The following RREB1 variants were observed in gnomAD, a reference collection of about 807,000 sequenced individuals.
RREB1 encodes the protein ras responsive element binding protein 1, also known as ras-responsive element-binding protein 1.
In RREB1, 27 loss-of-function variants were observed where a neutral mutation model predicts 117.8. That is an observed-to-expected ratio of 0.23 (90% CI 0.17 to 0.32). RREB1 has a LOEUF of 0.32. Ranked by LOEUF, RREB1 falls within the 10% of genes least tolerant of loss-of-function variation. The pLI is 1.00. For missense variants in RREB1, 2,577 were observed against 2,378.2 expected, an observed-to-expected ratio of 1.08 and a Z score of -1.74; for synonymous variants, 1,298 against 1,026.7, an observed-to-expected ratio of 1.26 and a Z score of -5.05.
chr6:7,160,498 T>C (rs1343923268), intron 1 of RREB1, among the ~76,000 whole-genome samples: 1 of 152,110 alleles, frequency 6.6e-6, no homozygotes, highest in Admixed American at 6.6e-5. Flanking sequence ...ATAAACATTT[T>C]CCCATGTTTT....
chr6:7,186,016 A>G (rs1029286185), intron 4 of RREB1, among the ~76,000 whole-genome samples: 2 of 152,198 alleles, frequency 1.3e-5, no homozygotes, highest in South Asian at 2.1e-4. Flanking sequence ...AGTTTAGCAC[A>G]TGGTAAGTGT....
At position 7,181,555 on chromosome 6, in the gene RREB1, A is replaced by G. The variant is rs531187697; in HGVS notation, c.-43+309A>G. ...GGGCGGCAGCTTTCTGGGCTTTGTC[A>G]TTGTTGGCTTGGCCTTTCCCACTCT... is the stretch of plus-strand genomic sequence containing the variant. On this transcript the variant is annotated intron_variant, in intron 3 of 12. Coordinates refer to ENST00000379938, the MANE Select transcript of RREB1 (RefSeq NM_001003699.4). The G allele has an allele frequency of 7.5e-6, 4 of 531,986 alleles. No individual in the cohort carries two copies. The South Asian group carries it at 1.2e-4, about 15-fold the overall frequency. 33.0% of individuals were successfully genotyped at this position (531,986 alleles called of 1,614,324 possible).
rs3734580 is a variant in RREB1 at position 7,248,692 on chromosome 6, C to T, written c.4953C>T (p.Ala1651=). ...ENESTHSGNN[A]VSENEAELAP... ...AGTCCACCCACAGCGGCAACAACGCCGTCTCAGAGAACGAGGCTGAGCTGG... is the reference window on the plus strand; with the variant it reads ...AGTCCACCCACAGCGGCAACAACGCTGTCTCAGAGAACGAGGCTGAGCTGG... The change falls in exon 13 of 13, where the codon GCC becomes GCT. Residue 1651 remains alanine (A), a synonymous_variant. Coordinates refer to ENST00000379938, the MANE Select transcript of RREB1 (RefSeq NM_001003699.4). The T allele has an allele frequency of 2.0e-3, 3,167 of 1,614,156 alleles. 118 individuals carry two copies. In the East Asian group the frequency reaches 0.056, roughly 28 times the overall value.
In RREB1 at chr6:7,152,489, G is replaced by GC. The variant is rs1357058885; in HGVS notation, c.-284-24164dup. 4.6e-5 allele frequency among the ~76,000 whole-genome samples: 7 copies of GC among 152,192 alleles called. No homozygotes were observed. In the East Asian group the frequency reaches 1.3e-3, roughly 29 times the overall value. On this transcript the variant is annotated intron_variant, in intron 1 of 12. Coordinates refer to ENST00000379938, the MANE Select transcript of RREB1 (RefSeq NM_001003699.4). Reference sequence around the variant, plus strand: ...CTATGAAACATATGAAAGAAATTCAGCCTTTAGCATTGGGGCCTTTTTATT... The same window carrying GC: ...CTATGAAACATATGAAAGAAATTCAGCCCTTTAGCATTGGGGCCTTTTTATT...
In RREB1 at chr6:7,226,341, T is replaced by A. The variant is rs1356424883; in HGVS notation, c.708-126T>A. Reference sequence around the variant, plus strand: ...AGCCTGGCTTCTTGACATCATATCATTTTTATTTTACTCAATTGAAATGAA... The same window carrying A: ...AGCCTGGCTTCTTGACATCATATCAATTTTATTTTACTCAATTGAAATGAA... On this transcript the variant is annotated intron_variant, in intron 8 of 12. Transcript: ENST00000379938. 4 of 683,364 alleles carry A rather than the reference T, an allele frequency of 5.9e-6. No homozygotes were observed. In the East Asian group the frequency reaches 1.2e-4, roughly 20 times the overall value. The allele number at this position is 683,364 out of a possible 1,614,324, so 42.3% of individuals were successfully genotyped here. A position where few individuals can be genotyped will look rare whatever the true frequency, so the allele number is the denominator to read the frequency against.
At chr6:7,147,887 G>A (rs1471783761) in intron 1 of RREB1, among the ~76,000 whole-genome samples, 1 of 151,990 alleles carries the variant, frequency 6.6e-6, no homozygotes, top group Non-Finnish European at 1.5e-5. Context: ...TTTAAGCTGC[G>A]TGTATTCATT....
chr6:7,234,611 T>C (rs1268739899), intron 10 of RREB1, among the ~76,000 whole-genome samples: 3 of 152,212 alleles, frequency 2.0e-5, no homozygotes, highest in African/African-American at 7.2e-5. Context: ...ATATAAACAT[T>C]CTGCCTCTTG....
chr6:7,221,344 A>G (rs1266070920), intron 8 of RREB1, among the ~76,000 whole-genome samples: 1 of 149,306 alleles, frequency 6.7e-6, no homozygotes, highest in Non-Finnish European at 1.5e-5. Flanking sequence ...AATTTTTTGT[A>G]TTTTTTTTTA....
At chr6:7,144,614 C>CTT (rs10718610) in intron 1 of RREB1, among the ~76,000 whole-genome samples, 7 of 143,756 alleles carry the variant, frequency 4.9e-5, no homozygotes, top group Admixed American at 6.9e-5. Flanking sequence ...GACATTATTC[C>CTT]TTTTTTTTTT....
intron 1 of RREB1, among the ~76,000 whole-genome samples, chr6:7,150,680 C>T (rs1169768163): frequency 6.6e-6 from 1 of 152,164 alleles, no homozygotes; most frequent in Non-Finnish European, 1.5e-5. Flanking sequence ...GTAAGAAAAA[C>T]CAGGACTTCC....
chr6:7,138,451 A>C (rs538684434), intron 1 of RREB1, among the ~76,000 whole-genome samples: 2 of 152,386 alleles, frequency 1.3e-5, no homozygotes, highest in South Asian at 2.1e-4. Flanking sequence ...CTTTTTAAAA[A>C]CAGTAACAAA....
Position 7,229,909 on chromosome 6 carries a change from G to T in RREB1, c.1810G>T (p.Ala604Ser), listed in dbSNP as rs753919611. ...GCTGGAGCAGGACAGCATCATCGAGGCCCTGCTGCCGCTGAGCATGGAGGC... is the reference window on the plus strand; with the variant it reads ...GCTGGAGCAGGACAGCATCATCGAGTCCCTGCTGCCGCTGAGCATGGAGGC... ...TQLEQDSIIE[A>S]LLPLSMEAKI... The change falls in exon 10 of 13, where the codon GCC (alanine) becomes TCC (serine). Residue 604 changes from alanine to serine, a missense_variant. Physicochemically the swap from Ala to Ser is moderately conservative, Grantham distance 99. Coordinates refer to ENST00000379938, the MANE Select transcript of RREB1 (RefSeq NM_001003699.4). This position sits in a 1 kb window ranked among gnomAD's most constrained non-coding sequence, Gnocchi z 4.5. The T allele has an allele frequency of 1.2e-6, 2 of 1,600,326 alleles. No homozygotes were observed. Among genetic ancestry groups the T allele is most frequent in the Admixed American group, 1.7e-5 (1 of 59,498 alleles).
chr6:7,141,108 G>C (rs1046592101), intron 1 of RREB1, among the ~76,000 whole-genome samples: 3 of 152,218 alleles, frequency 2.0e-5, no homozygotes, highest in Non-Finnish European at 2.9e-5. Context: ...GCCCGCGTCA[G>C]GGCTCCACGG....
chr6:7,124,745 T>G (rs980427905), intron 1 of RREB1, among the ~76,000 whole-genome samples: 3 of 152,240 alleles, frequency 2.0e-5, no homozygotes, highest in Non-Finnish European at 4.4e-5. Context: ...ACCAGCCGCC[T>G]AAATTCCTTT....
At chr6:7,241,247 C>T (rs550578599) in intron 11 of RREB1, among the ~76,000 whole-genome samples, 73 of 152,156 alleles carry the variant, frequency 4.8e-4, no homozygotes, top group Non-Finnish European at 8.1e-4. Context: ...CTGCCCGATA[C>T]GTCTTGTGCC....
chr6:7,157,433 C>CAA (rs57996771), intron 1 of RREB1, among the ~76,000 whole-genome samples: 3 of 137,536 alleles, frequency 2.2e-5, no homozygotes, highest in East Asian at 2.2e-4. Context: ...GACTCCATCT[C>CAA]AAAAAAAAAA....
intron 1 of RREB1, among the ~76,000 whole-genome samples, chr6:7,148,187 T>C (rs902960803): frequency 2.6e-5 from 4 of 152,166 alleles, no homozygotes; most frequent in African/African-American, 9.7e-5. Flanking sequence ...CCTACCTTGA[T>C]TCCCATTGAT....
intron 1 of RREB1, among the ~76,000 whole-genome samples, chr6:7,165,712 G>A (rs933868166): frequency 6.6e-6 from 1 of 152,168 alleles, no homozygotes; most frequent in African/African-American, 2.4e-5. Flanking sequence ...CAGGCAGGGC[G>A]GCTGTGCTTC....
At chr6:7,182,848 G>GACT (rs1764878207) in intron 4 of RREB1, among the ~76,000 whole-genome samples, 1 of 152,186 alleles carries the variant, frequency 6.6e-6, no homozygotes, top group Non-Finnish European at 1.5e-5. Flanking sequence ...AATTTAATGA[G>GACT]ACTATACTAA....
Sources: allele counts gnomAD v4.1 joint callset (sites outside exome capture counted in the v4.1 genomes callset), GRCh38; gene constraint gnomAD v4.1.1; non-coding constraint Gnocchi (gnomAD v3.1); transcripts MANE v1.5; gene names NCBI Gene and HGNC (gene_info 2026-07-23, HGNC 2026-07-21).